Variants in CSMD1 observed in about 807,000 individuals in gnomAD.
The protein encoded by CSMD1 is CUB and Sushi multiple domains 1.
Under a neutral mutation model 417.5 loss-of-function variants are expected in CSMD1, and 213 were observed. The ratio of observed to expected loss-of-function variants is 0.51; its 90% CI spans 0.46 to 0.57. The LOEUF is 0.57. CSMD1 is among the 20% of genes least tolerant of loss of function. CSMD1 has a pLI of 0.00. For missense variants in CSMD1, 6,923 were observed against 4,529.7 expected (o/e 1.53, Z -15.17); for synonymous variants, 2,862 against 1,736.8 (o/e 1.65, Z -16.11).
At chr8:4,644,122 C>T (rs1335160146) in intron 1 of CSMD1, among the ~76,000 whole-genome samples, 1 of 152,192 alleles carries the variant, frequency 6.6e-6, no homozygotes, top group African/African-American at 2.4e-5. Context: ...TGAGCAAGGC[C>T]TTGAAGGGAG....
In CSMD1 at chr8:4,668,178, G is replaced by C. The variant is rs1252332202; in HGVS notation, c.86-30620C>G. On this transcript the variant is annotated intron_variant, in intron 1 of 69. Transcript: ENST00000635120. The stretch of plus-strand genomic sequence containing the variant: ...TAATCAACTGCACTGCCATGGATTT[G>C]AGTATAATAACTTCTGTTATGGCTT... Among the ~76,000 whole-genome samples the C allele has an allele frequency of 5.3e-5, 8 of 152,170 alleles. No homozygotes were observed. In the East Asian group the frequency reaches 1.2e-3, roughly 22 times the overall value.
intron 3 of CSMD1, among the ~76,000 whole-genome samples, chr8:4,352,387 T>C (rs1801149537): frequency 6.6e-6 from 1 of 152,228 alleles, no homozygotes; most frequent in Non-Finnish European, 1.5e-5. Context: ...AATATGTCTG[T>C]AGATCCACAG....
chr8:3,576,268 AAATAAT>A (rs60673988), intron 9 of CSMD1, among the ~76,000 whole-genome samples: 5,578 of 147,678 alleles, frequency 0.038, 115 homozygotes, highest in Non-Finnish European at 0.048. Context: ...ATGCATGTCA[AAATAAT>A]AATAATAATA....
chr8:3,843,536 G>T (rs186070521), intron 5 of CSMD1, among the ~76,000 whole-genome samples: 19 of 151,144 alleles, frequency 1.3e-4, no homozygotes, highest in African/African-American at 4.4e-4. Flanking sequence ...CTATATAAAA[G>T]TAAAAAAAAA....
chr8:3,873,169 G>T (rs113011734), intron 5 of CSMD1, among the ~76,000 whole-genome samples: 13 of 151,950 alleles, frequency 8.6e-5, no homozygotes, highest in Admixed American at 8.5e-4. Context: ...CCTAAAAACA[G>T]AACTACCATT....
chr8:4,074,009 A>G (rs1799694641), intron 3 of CSMD1, among the ~76,000 whole-genome samples: 1 of 152,140 alleles, frequency 6.6e-6, no homozygotes, highest in Admixed American at 6.6e-5. Flanking sequence ...AATGACTTCA[A>G]AGAAAAATGC....
chr8:3,212,867 T>C (rs1797695060), intron 30 of CSMD1, among the ~76,000 whole-genome samples: 1 of 151,580 alleles, frequency 6.6e-6, no homozygotes, highest in African/African-American at 2.4e-5. Flanking sequence ...TTCACTCTTG[T>C]TGCCCAAGCT....
intron 3 of CSMD1, among the ~76,000 whole-genome samples, chr8:4,227,115 C>G (rs1453566986): frequency 6.6e-6 from 1 of 152,124 alleles, no homozygotes; most frequent in African/African-American, 2.4e-5. Context: ...GGAAGGAAAT[C>G]GCCCCCAAGA....
intron 3 of CSMD1, among the ~76,000 whole-genome samples, chr8:4,204,730 C>G (rs936513994): frequency 1.3e-5 from 2 of 152,188 alleles, no homozygotes; most frequent in Admixed American, 6.5e-5. Flanking sequence ...TCATAGCTCA[C>G]TGCAGCCTCA....
intron 3 of CSMD1, among the ~76,000 whole-genome samples, chr8:4,390,735 GATCTTCTGACCTCGTCAGGATGGTCTCA>G (rs896101751): frequency 2.6e-5 from 4 of 151,630 alleles, no homozygotes; most frequent in South Asian, 2.1e-4. Context: ...GGATGGTCTC[GATCTTCTGACCTCGTCAGGATGGTCTCA>G]ATCTTCTGAC....
chr8:4,676,752 T>G (rs911058036), intron 1 of CSMD1, among the ~76,000 whole-genome samples: 5 of 151,980 alleles, frequency 3.3e-5, no homozygotes, highest in African/African-American at 1.2e-4. Flanking sequence ...GCCCTTAGTT[T>G]GTTCTTAGCC....
intron 2 of CSMD1, among the ~76,000 whole-genome samples, chr8:4,588,519 G>T (rs905166564): frequency 2.0e-5 from 3 of 151,882 alleles, no homozygotes; most frequent in African/African-American, 7.2e-5. Context: ...CTCTGGCCGG[G>T]CATGGTGGCA....
rs188448969 is a variant in CSMD1, at chr8:4,137,788, A to G, written c.416-105689T>C. 2.6e-5 allele frequency among the ~76,000 whole-genome samples: 2 copies of G among 77,602 alleles called. 1 individual carries two copies. Among genetic ancestry groups the G allele is most frequent in the Admixed American group, 3.0e-4 (2 of 6,758 alleles). The allele number at this position is 77,602 out of a possible 152,430, so 50.9% of individuals were successfully genotyped here. On this transcript the variant is annotated intron_variant, in intron 3 of 69. Transcript: ENST00000635120. ...ATTTCTCAAGGAAAATCTAAGCCTTATAATCCAAATTAATTTTCCCCTTAC... is the reference window on the plus strand; with the variant it reads ...ATTTCTCAAGGAAAATCTAAGCCTTGTAATCCAAATTAATTTTCCCCTTAC...
At chr8:4,147,850 G>A (rs1464195397) in intron 3 of CSMD1, among the ~76,000 whole-genome samples, 1 of 152,108 alleles carries the variant, frequency 6.6e-6, no homozygotes, top group Non-Finnish European at 1.5e-5. Context: ...TCTCTGGTCT[G>A]GAAATGGTAG....
intron 2 of CSMD1, among the ~76,000 whole-genome samples, chr8:4,535,896 T>C (rs1041626116): frequency 2.0e-5 from 3 of 152,246 alleles, no homozygotes; most frequent in African/African-American, 7.2e-5. Context: ...TTTACTTTTA[T>C]AATTAACTCT....
At chr8:3,649,379 T>C (rs989332983) in intron 7 of CSMD1, among the ~76,000 whole-genome samples, 1 of 152,192 alleles carries the variant, frequency 6.6e-6, no homozygotes, top group African/African-American at 2.4e-5. Context: ...GATATTAAAA[T>C]TCATCTGTAT....
intron 62 of CSMD1, among the ~76,000 whole-genome samples, chr8:2,959,750 T>G (rs541935652): frequency 2.6e-5 from 4 of 152,134 alleles, no homozygotes; most frequent in African/African-American, 9.7e-5. Context: ...TTTCAGCATA[T>G]GGTGCTAAAG....
chr8:4,627,069 A>G (rs997304903), intron 2 of CSMD1, among the ~76,000 whole-genome samples: 1 of 152,194 alleles, frequency 6.6e-6, no homozygotes, highest in East Asian at 1.9e-4. Flanking sequence ...AATAACTCAC[A>G]TATTTTGTAT....
At chr8:3,935,970 A>T (rs1253357878) in intron 5 of CSMD1, among the ~76,000 whole-genome samples, 1 of 152,186 alleles carries the variant, frequency 6.6e-6, no homozygotes, top group African/African-American at 2.4e-5. Context: ...AGTTCTTGAA[A>T]TATAGTAAAA....
Sources: gnomAD v4.1 joint callset for allele counts (sites outside exome capture counted in the v4.1 genomes callset) on GRCh38, gnomAD v4.1.1 for gene constraint, MANE v1.5 for transcripts, NCBI Gene and HGNC (gene_info 2026-07-23, HGNC 2026-07-21) for gene names.